CHN2: variants seen among roughly 807,000 people sequenced by gnomAD.
CHN2 encodes chimerin 2.
Under a neutral mutation model 56.3 loss-of-function variants are expected in CHN2, and 35 were observed. The observed-to-expected ratio is 0.62, with a 90% CI of 0.47 to 0.82. The LOEUF (loss-of-function observed/expected upper bound fraction) is 0.82. CHN2 is among the 40% of genes least tolerant of loss of function. CHN2 has a pLI of 0.00. For missense variants in CHN2, 491 were observed against 580.5 expected, an observed-to-expected ratio of 0.85 and a Z score of 1.58; for synonymous variants, 210 against 212.8, an observed-to-expected ratio of 0.99 and a Z score of 0.12.
At chr7:29,409,332 A>G (rs1802970917) in intron 6 of CHN2, among the ~76,000 whole-genome samples, 1 of 152,214 alleles carries the variant, frequency 6.6e-6, no homozygotes, top group African/African-American at 2.4e-5. Context: ...AGTAAAATAG[A>G]AAAATCTAAA....
At chr7:29,189,123 A>AC (rs1246722676) in intron 2 of CHN2, among the ~76,000 whole-genome samples, 9 of 151,692 alleles carry the variant, frequency 5.9e-5, no homozygotes, top group Non-Finnish European at 1.2e-4. Context: ...GCTAATTTTT[A>AC]TATTTTTAGT....
Position 29,495,952 on chromosome 7 carries a change from G to A in CHN2, c.655G>A (p.Val219Ile). Residue 219 changes from valine (V) to isoleucine (I), a missense_variant and splice_region_variant, in exon 8 of 13, where the codon GTC becomes ATC. Coordinates refer to ENST00000222792, the MANE Select transcript of CHN2 (RefSeq NM_004067.4). ...FNYEKTHNFK[V>I]HTFRGPHWCE... ...CATTTTTCTTCTTTTTGGATCACAG[G>A]TCCACACGTTCCGAGGCCCACACTG... 1 of 1,612,812 alleles carries A rather than the reference G, an allele frequency of 6.2e-7. No individual in the cohort carries two copies. Among genetic ancestry groups the A allele is most frequent in the Non-Finnish European group, 8.5e-7 (1 of 1,179,402 alleles).
rs73076475 is a variant in CHN2 at position 29,330,226 on chromosome 7, C to A, written c.50-24399C>A. On this transcript the variant is annotated intron_variant, in intron 1 of 12. Coordinates refer to ENST00000222792, the MANE Select transcript of CHN2 (RefSeq NM_004067.4). The stretch of plus-strand genomic sequence containing the variant: ...TGAAATGTATTATGTTTCCCAGTCT[C>A]TTTTGTAAAATAACAGTGGCCTCAT... Among the ~76,000 whole-genome samples, 1,253 of 152,290 alleles carry A rather than the reference C, an allele frequency of 8.2e-3. 7 individuals are homozygous for A. The highest frequency in any genetic ancestry group is 0.017 in the Middle Eastern group (5 of 294).
chr7:29,366,946 A>G lies in CHN2; in HGVS notation c.89-986A>G, dbSNP rs1799211699. Among the ~76,000 whole-genome samples, 2 of 152,240 alleles carry G rather than the reference A, an allele frequency of 1.3e-5. 1 individual carries two copies. Among genetic ancestry groups the G allele is most frequent in the African/African-American group, 4.8e-5 (2 of 41,478 alleles). On this transcript the variant is annotated intron_variant, in intron 2 of 12. Transcript: ENST00000222792. ...TTATTTTTAGACCTAAAAATAGATC[A>G]GAAAGTTTTGCTTATCTTATTACAT...
intron 1 of CHN2, among the ~76,000 whole-genome samples, chr7:29,195,640 G>A (rs1783629019): frequency 7.6e-6 from 1 of 131,040 alleles, no homozygotes. Context: ...GTGTGTGTGT[G>A]TGTGTGTGTG....
At chr7:29,215,296 A>G (rs1256015358) in intron 1 of CHN2, among the ~76,000 whole-genome samples, 1 of 152,216 alleles carries the variant, frequency 6.6e-6, no homozygotes, top group African/African-American at 2.4e-5. Context: ...GCCCTTAGAC[A>G]GAAAAGAAGC....
intron 1 of CHN2, among the ~76,000 whole-genome samples, chr7:29,328,105 TTAAAG>T (rs1289513672): frequency 1.3e-5 from 2 of 152,192 alleles, no homozygotes; most frequent in African/African-American, 2.4e-5. Flanking sequence ...CTGTGAGTCT[TTAAAG>T]AGAGTTCATC....
intron 1 of CHN2, among the ~76,000 whole-genome samples, chr7:29,324,762 G>A (rs1017260964): frequency 1.3e-5 from 2 of 152,132 alleles, no homozygotes; most frequent in Non-Finnish European, 2.9e-5. Context: ...AAGCTTCTGG[G>A]CATTTATTCT....
chr7:29,177,777 G>T (rs1034251259), intron 2 of CHN2, among the ~76,000 whole-genome samples: 1 of 151,842 alleles, frequency 6.6e-6, no homozygotes, highest in Non-Finnish European at 1.5e-5. Flanking sequence ...ATCTCATTAT[G>T]CTCCCACCTA....
chr7:29,202,592 A>T (rs1562826978), intron 1 of CHN2, among the ~76,000 whole-genome samples: 1 of 152,216 alleles, frequency 6.6e-6, no homozygotes, highest in Non-Finnish European at 1.5e-5. Flanking sequence ...GTGGCTTATT[A>T]TTTATTGACA....
chr7:29,248,857 G>A (rs112800233), intron 1 of CHN2, among the ~76,000 whole-genome samples: 1 of 152,220 alleles, frequency 6.6e-6, no homozygotes, highest in East Asian at 1.9e-4. Context: ...GAGATGAGCC[G>A]GGCTTAGAAT....
At chr7:29,291,012 A>G (rs116008910) in intron 1 of CHN2, among the ~76,000 whole-genome samples, 4,534 of 152,152 alleles carry the variant, frequency 0.03, 232 homozygotes, top group African/African-American at 0.1. Context: ...TTCTTCCCTT[A>G]TTCTTCCCTG....
rs1024832095 is a variant in CHN2 at position 29,200,425 on chromosome 7, C to A, written c.49+5435C>A. Among the ~76,000 whole-genome samples the A allele has an allele frequency of 8.3e-5, 12 of 145,094 alleles. 1 individual carries two copies. In the South Asian group the frequency reaches 2.5e-3, roughly 31 times the overall value. On this transcript the variant is annotated intron_variant, in intron 1 of 12. Transcript: ENST00000222792. ...CCTTCCTTCCTTCTTTCCTTCCTTC[C>A]TTCTTTCCTTCCTTCCTTCCCTCCC...
At chr7:29,285,693 G>T (rs148889289) in intron 1 of CHN2, among the ~76,000 whole-genome samples, 2 of 152,174 alleles carry the variant, frequency 1.3e-5, no homozygotes, top group East Asian at 1.9e-4. Context: ...CTGAATACAG[G>T]CTTCACATTC....
chr7:29,421,024 C>T (rs909927799), intron 6 of CHN2, among the ~76,000 whole-genome samples: 6 of 152,154 alleles, frequency 3.9e-5, no homozygotes, highest in African/African-American at 1.2e-4. Context: ...TGATCTTGAG[C>T]TCAGGTGATC....
At chr7:29,214,683 G>A (rs902462919) in intron 1 of CHN2, among the ~76,000 whole-genome samples, 8 of 152,174 alleles carry the variant, frequency 5.3e-5, no homozygotes, top group African/African-American at 1.4e-4. Flanking sequence ...AATTTCAGGC[G>A]GAGGTAGGGA....
At chr7:29,166,441 G>A (rs1258321591) in intron 2 of CHN2, among the ~76,000 whole-genome samples, 1 of 152,068 alleles carries the variant, frequency 6.6e-6, no homozygotes, top group Non-Finnish European at 1.5e-5. Context: ...ATCTTGGCTT[G>A]ATGTGTTTTC....
chr7:29,290,871 T>A (rs1190157291), intron 1 of CHN2, among the ~76,000 whole-genome samples: 1 of 152,088 alleles, frequency 6.6e-6, no homozygotes, highest in Non-Finnish European at 1.5e-5. Context: ...TAAAAAAATT[T>A]AGAACAGGAA....
chr7:29,450,375 G>C (rs570838821), intron 6 of CHN2, among the ~76,000 whole-genome samples: 1 of 152,212 alleles, frequency 6.6e-6, no homozygotes, highest in Non-Finnish European at 1.5e-5. Flanking sequence ...AGATGAAGAA[G>C]AATCTTGGAT....
Sources: gnomAD v4.1 joint callset for allele counts (sites outside exome capture counted in the v4.1 genomes callset) on GRCh38, gnomAD v4.1.1 for gene constraint, MANE v1.5 for transcripts, NCBI Gene and HGNC (gene_info 2026-07-23, HGNC 2026-07-21) for gene names.